SRD5A1: variants seen among roughly 807,000 people sequenced by gnomAD.
SRD5A1 encodes 3-oxo-5-alpha-steroid 4-dehydrogenase 1.
In SRD5A1, 22 loss-of-function variants were observed where a neutral mutation model predicts 28.2. The ratio of observed to expected loss-of-function variants is 0.78; its 90% confidence interval spans 0.56 to 1.12. The LOEUF is 1.12. Ranked by LOEUF, SRD5A1 falls within the 50% of genes most tolerant of loss-of-function variation. The pLI is 0.00. For synonymous variants in SRD5A1, 151 were observed against 135.0 expected, an observed-to-expected ratio of 1.12 and a Z score of -0.82; for missense variants, 300 against 346.7, an observed-to-expected ratio of 0.87 and a Z score of 1.07.
At position 6,673,656 on chromosome 5, in the gene SRD5A1, A is replaced by G. The variant is rs1739425311; in HGVS notation, c.*5388A>G. ...GAATGTTTATAGCAGCTTTACTCAA[A>G]ATTGCCAAAAATTGGAAGCAACCAA... On this transcript the variant is annotated 3_prime_UTR_variant, in exon 5 of 5. Coordinates refer to ENST00000274192, the MANE Select transcript of SRD5A1 (RefSeq NM_001047.4). 1 of 152,244 alleles carries G rather than the reference A, an allele frequency of 6.6e-6. No individual in the cohort carries two copies. The highest frequency in any genetic ancestry group is 1.5e-5 in the Non-Finnish European group (1 of 68,044). 9.4% of individuals were successfully genotyped at this position (152,244 alleles called of 1,614,324 possible).
At chr5:6,655,157 A>G (rs1561001095) in intron 2 of SRD5A1, among the ~76,000 whole-genome samples, 2 of 152,246 alleles carry the variant, frequency 1.3e-5, no homozygotes, top group African/African-American at 2.4e-5. Context: ...GATGACTCAG[A>G]TAATAATGAT....
rs555638474 is a variant in SRD5A1 at position 6,657,978 on chromosome 5, G to A, written c.562+1799G>A. ...CAGCAAAACTTACCTGAGCAGAAAC[G>A]TGTTTCACAAAGCAGGGGAAAATTG... is the stretch of plus-strand genomic sequence containing the variant. On this transcript the variant is annotated intron_variant, in intron 3 of 4. Coordinates refer to ENST00000274192, the MANE Select transcript of SRD5A1 (RefSeq NM_001047.4). 4.6e-5 allele frequency among the ~76,000 whole-genome samples: 7 copies of A among 152,320 alleles called. 1 individual carries two copies. The South Asian group carries it at 1.0e-3, about 23-fold the overall frequency.
At chr5:6,662,761 A>G in intron 3 of SRD5A1, 55 bp from the exon 4 acceptor site, 1 of 1,576,596 alleles carries the variant, frequency 6.3e-7, no homozygotes, top group South Asian at 1.1e-5. Flanking sequence ...GCATCTCTGA[A>G]GTCCGTATTT....
intron 1 of SRD5A1, among the ~76,000 whole-genome samples, chr5:6,649,213 C>T (rs1738594312): frequency 6.6e-6 from 1 of 152,188 alleles, no homozygotes; most frequent in African/African-American, 2.4e-5. Flanking sequence ...CAGGGACCCA[C>T]TTGAGGAGGT....
At chr5:6,636,502 C>G (rs1738188888) in intron 1 of SRD5A1, among the ~76,000 whole-genome samples, 1 of 152,202 alleles carries the variant, frequency 6.6e-6, no homozygotes, top group Non-Finnish European at 1.5e-5. Context: ...TGAGGTTTCG[C>G]TGGAGTGAGG....
intron 3 of SRD5A1, among the ~76,000 whole-genome samples, chr5:6,656,642 A>G (rs530280649): frequency 1.3e-5 from 2 of 152,198 alleles, no homozygotes; most frequent in Admixed American, 6.5e-5. Flanking sequence ...GTGTCTTTTG[A>G]GAATTTGTGA....
intron 1 of SRD5A1, among the ~76,000 whole-genome samples, chr5:6,636,115 T>C (rs1240525428): frequency 6.6e-6 from 1 of 152,016 alleles, no homozygotes; most frequent in Non-Finnish European, 1.5e-5. Flanking sequence ...ATTGTGTACA[T>C]AGTCTATGTG....
intron 1 of SRD5A1, among the ~76,000 whole-genome samples, chr5:6,641,138 T>C (rs923262337): frequency 6.6e-6 from 1 of 152,160 alleles, no homozygotes; most frequent in Non-Finnish European, 1.5e-5. Flanking sequence ...CCACCTTCCT[T>C]GCTATCTGAA....
At chr5:6,636,535 A>C (rs1381524060) in intron 1 of SRD5A1, among the ~76,000 whole-genome samples, 1 of 152,178 alleles carries the variant, frequency 6.6e-6, no homozygotes, top group East Asian at 1.9e-4. Flanking sequence ...TTGGGGAACT[A>C]GAGCCTCTTT....
At chr5:6,637,913 AT>A (rs1246075625) in intron 1 of SRD5A1, among the ~76,000 whole-genome samples, 1 of 152,194 alleles carries the variant, frequency 6.6e-6, no homozygotes, top group Non-Finnish European at 1.5e-5. Flanking sequence ...CTCTCGTGTA[AT>A]CCTATTAATG....
intron 2 of SRD5A1, among the ~76,000 whole-genome samples, chr5:6,654,064 T>A (rs1056472611): frequency 3.2e-5 from 3 of 94,176 alleles, no homozygotes; most frequent in African/African-American, 1.6e-4. Context: ...ATAATATATT[T>A]TTTTTTTTGA....
rs1371319765 is a variant in SRD5A1, at chr5:6,651,831, T to C, written c.294-11T>C. 1.9e-6 allele frequency: 3 copies of C among 1,577,940 alleles called. No homozygotes were observed. The highest frequency in any genetic ancestry group is 8.6e-7 in the Non-Finnish European group (1 of 1,160,430). ...TTTTTAAAAAATTGTGCCTGTTTCT[T>C]GTTTCCTAAGGTGCTTAATTTACCC... On this transcript the variant is annotated splice_polypyrimidine_tract_variant and intron_variant, in intron 1 of 4. Coordinates refer to ENST00000274192, the MANE Select transcript of SRD5A1 (RefSeq NM_001047.4).
intron 3 of SRD5A1, among the ~76,000 whole-genome samples, chr5:6,661,394 C>CAA (rs3996846): frequency 0.12 from 15,458 of 128,266 alleles, 1,165 homozygotes; most frequent in East Asian, 0.25. Context: ...TACAAAACTC[C>CAA]AAAAAAAAAA....
Position 6,651,268 on chromosome 5 carries a change from A to G in SRD5A1, c.294-574A>G, listed in dbSNP as rs8192184. 3.0e-3 allele frequency among the ~76,000 whole-genome samples: 461 copies of G among 152,312 alleles called. 1 individual carries two copies. The highest frequency in any genetic ancestry group is 4.9e-3 in the Non-Finnish European group (332 of 68,020). The stretch of plus-strand genomic sequence containing the variant: ...CCTCTTGAAGCCCCTAGTTTTCTCA[A>G]ATTCAGTGTATTCTGTTTTATATTG... On this transcript the variant is annotated intron_variant, in intron 1 of 4. Transcript: ENST00000274192.
Position 6,674,312 on chromosome 5 carries a change from T to C in SRD5A1, c.*6044T>C, listed in dbSNP as rs1372029462. On this transcript the variant is annotated 3_prime_UTR_variant, in exon 5 of 5. Coordinates refer to ENST00000274192, the MANE Select transcript of SRD5A1 (RefSeq NM_001047.4). Reference sequence around the variant, plus strand: ...AGAGATATGTGAGAACTCTGTACTTTCTTTTCAATGTTTCTGTAAACATAA... The same window carrying C: ...AGAGATATGTGAGAACTCTGTACTTCCTTTTCAATGTTTCTGTAAACATAA... The C allele has an allele frequency of 6.6e-6, 1 of 152,168 alleles. No homozygotes were observed. The highest frequency in any genetic ancestry group is 1.5e-5 in the Non-Finnish European group (1 of 68,030). 9.4% of individuals were successfully genotyped at this position (152,168 alleles called of 1,614,324 possible).
At chr5:6,666,987 G>A (rs780925871) in intron 4 of SRD5A1, among the ~76,000 whole-genome samples, 6 of 152,202 alleles carry the variant, frequency 3.9e-5, no homozygotes, top group South Asian at 2.1e-4. Flanking sequence ...GTCACTGTGC[G>A]GCGGCCAGTG....
chr5:6,661,394 CA>C (rs3996846), intron 3 of SRD5A1, among the ~76,000 whole-genome samples: 127 of 128,426 alleles, frequency 9.9e-4, no homozygotes, highest in South Asian at 2.6e-3. Context: ...TACAAAACTC[CA>C]AAAAAAAAAA....
rs1738691460 is a variant in SRD5A1, at chr5:6,652,004, A to C, written c.456A>C (p.Leu152=). The change falls in exon 2 of 5, where the codon CTA becomes CTC. Residue 152 remains leucine (L), a synonymous_variant. Coordinates refer to ENST00000274192, the MANE Select transcript of SRD5A1 (RefSeq NM_001047.4). ...ACTGGGTAACAGATCCCCGTTTTCT[A>C]ATAGGTGAGTGTCCACAGCAGTGAA... is the stretch of plus-strand genomic sequence containing the variant. ...ADDWVTDPRF[L]IGFGLWLTGM... 1 of 1,612,860 alleles carries C rather than the reference A, an allele frequency of 6.2e-7. No homozygotes were observed. The highest frequency in any genetic ancestry group is 1.7e-5 in the Admixed American group (1 of 59,912).
chr5:6,642,481 G>A (rs1236049133), intron 1 of SRD5A1, among the ~76,000 whole-genome samples: 1 of 152,202 alleles, frequency 6.6e-6, no homozygotes, highest in Non-Finnish European at 1.5e-5. Flanking sequence ...TTCACACACT[G>A]TATTTAAACT....
Sources: gnomAD v4.1 joint callset for allele counts (sites outside exome capture counted in the v4.1 genomes callset) on GRCh38, gnomAD v4.1.1 for gene constraint, MANE v1.5 for transcripts, NCBI Gene and HGNC (gene_info 2026-07-23, HGNC 2026-07-21) for gene names.